The following SUGCT variants were observed in gnomAD, a reference collection of about 807,000 sequenced individuals.
SUGCT encodes succinyl-CoA:glutarate-CoA transferase, also known as succinyl-CoA:glutarate CoA-transferase.
Under a neutral mutation model 55.0 loss-of-function variants are expected in SUGCT, and 41 were observed. The ratio of observed to expected loss-of-function variants is 0.74; its 90% confidence interval spans 0.58 to 0.97. The LOEUF (loss-of-function observed/expected upper bound fraction) is 0.97, where lower values mean the gene tolerates loss of function less well. Ranked by LOEUF, SUGCT falls within the 50% of genes least tolerant of loss-of-function variation. The pLI is 0.00. For missense variants in SUGCT, 568 were observed against 547.8 expected (o/e 1.04, Z -0.37); for synonymous variants, 187 against 200.4 (o/e 0.93, Z 0.56).
At chr7:40,511,174 C>T (rs551088732) in intron 12 of SUGCT, among the ~76,000 whole-genome samples, 3 of 152,130 alleles carry the variant, frequency 2.0e-5, no homozygotes, top group African/African-American at 7.2e-5. Context: ...TTAACCAAGT[C>T]ATCATACATC....
At chr7:40,507,217 T>G (rs766230365) in intron 12 of SUGCT, among the ~76,000 whole-genome samples, 1 of 152,186 alleles carries the variant, frequency 6.6e-6, no homozygotes, top group Non-Finnish European at 1.5e-5. Context: ...TCAAATGACG[T>G]TAACTTTGCC....
At chr7:40,262,563 G>T (rs1234324906) in intron 7 of SUGCT, among the ~76,000 whole-genome samples, 1 of 151,830 alleles carries the variant, frequency 6.6e-6, no homozygotes, top group Non-Finnish European at 1.5e-5. Context: ...TACTCGGGAG[G>T]CTGAGGCAGA....
At chr7:40,184,657 T>C (rs1271134315) in intron 3 of SUGCT, among the ~76,000 whole-genome samples, 1 of 152,078 alleles carries the variant, frequency 6.6e-6, no homozygotes, top group Non-Finnish European at 1.5e-5. Context: ...GTTTTAGAAG[T>C]TTTCAAAAAT....
the SUGCT span, among the ~76,000 whole-genome samples, chr7:41,035,052 G>A: frequency 2.6e-5 from 4 of 152,150 alleles, no homozygotes; most frequent in African/African-American, 7.2e-5. Context: ...TGTCCCCAGC[G>A]GTGTTCTTCT....
At chr7:40,613,653 C>G (rs900803227) in intron 12 of SUGCT, among the ~76,000 whole-genome samples, 1 of 152,004 alleles carries the variant, frequency 6.6e-6, no homozygotes, top group Admixed American at 6.5e-5. Flanking sequence ...TTCTGTCACC[C>G]AGGCTAGAGT....
In SUGCT at chr7:40,445,978, G is replaced by A. The variant is rs543100887; in HGVS notation, c.817-3309G>A. On this transcript the variant is annotated intron_variant, in intron 9 of 13. Coordinates refer to ENST00000335693, the MANE Select transcript of SUGCT (RefSeq NM_001193313.2). ...TTTGCATAAAATTATTATGTTTACT[G>A]GTTTGTTTTAAAGGATATTAACAAG... 1.7e-3 allele frequency among the ~76,000 whole-genome samples: 260 copies of A among 151,992 alleles called. 1 individual carries two copies. The highest frequency in any genetic ancestry group is 2.7e-3 in the Non-Finnish European group (181 of 67,916).
intron 12 of SUGCT, among the ~76,000 whole-genome samples, chr7:40,613,906 C>T (rs1315784829): frequency 1.3e-5 from 2 of 152,160 alleles, no homozygotes; most frequent in African/African-American, 4.8e-5. Flanking sequence ...CACGCCTGGC[C>T]TGCACCCAGT....
intron 9 of SUGCT, among the ~76,000 whole-genome samples, chr7:40,367,458 A>T (rs1378301504): frequency 6.6e-6 from 1 of 151,732 alleles, no homozygotes; most frequent in Non-Finnish European, 1.5e-5. Context: ...CAGAAAAAAA[A>T]AATAAAATAA....
intron 12 of SUGCT, among the ~76,000 whole-genome samples, chr7:40,576,241 T>C (rs1265086220): frequency 1.3e-5 from 2 of 152,232 alleles, no homozygotes; most frequent in African/African-American, 4.8e-5. Context: ...TATCTGTTGA[T>C]AGAACAGCAG....
chr7:40,708,479 G>A (rs554651814), intron 12 of SUGCT, among the ~76,000 whole-genome samples: 1 of 152,108 alleles, frequency 6.6e-6, no homozygotes, highest in Non-Finnish European at 1.5e-5. Flanking sequence ...TTTTATCTGT[G>A]GTCCCTGCTT....
At chr7:40,727,032 G>A (rs1020194525) in intron 12 of SUGCT, among the ~76,000 whole-genome samples, 3 of 152,194 alleles carry the variant, frequency 2.0e-5, no homozygotes, top group Admixed American at 6.5e-5. Context: ...AGGCCCCCAT[G>A]GGCTGTCAAA....
the SUGCT span, among the ~76,000 whole-genome samples, chr7:41,037,700 G>A: frequency 9.9e-5 from 15 of 151,014 alleles, no homozygotes; most frequent in East Asian, 7.8e-4. Context: ...CATGCAGACC[G>A]TGGAAATGCC....
intron 13 of SUGCT, among the ~76,000 whole-genome samples, chr7:40,786,556 A>G (rs1369512452): frequency 6.6e-6 from 1 of 152,230 alleles, no homozygotes; most frequent in Non-Finnish European, 1.5e-5. Context: ...TATTCTTGCT[A>G]ATTATATTGT....
chr7:40,446,162 A>G (rs1412849747), intron 9 of SUGCT, among the ~76,000 whole-genome samples: 1 of 152,148 alleles, frequency 6.6e-6, no homozygotes, highest in Non-Finnish European at 1.5e-5. Flanking sequence ...ATATATTTAA[A>G]TATATGTTGG....
chr7:40,750,436 G>A (rs956186477), intron 13 of SUGCT, among the ~76,000 whole-genome samples: 15 of 152,006 alleles, frequency 9.9e-5, no homozygotes, highest in African/African-American at 2.7e-4. Context: ...TCCTAAAACC[G>A]TTTCCTGGCC....
chr7:40,752,417 G>A (rs866520030), intron 13 of SUGCT, among the ~76,000 whole-genome samples: 17 of 152,230 alleles, frequency 1.1e-4, no homozygotes, highest in South Asian at 8.3e-4. Flanking sequence ...GTGCAGTGAC[G>A]CAATCTCAGC....
chr7:40,888,097 CCA>C, the SUGCT span, among the ~76,000 whole-genome samples: 1 of 152,168 alleles, frequency 6.6e-6, no homozygotes, highest in African/African-American at 2.4e-5. Context: ...CCATAGGCAT[CCA>C]TGCCCTCATT....
intron 9 of SUGCT, among the ~76,000 whole-genome samples, chr7:40,373,542 C>T (rs1031646935): frequency 6.6e-6 from 1 of 151,710 alleles, no homozygotes; most frequent in Non-Finnish European, 1.5e-5. Flanking sequence ...GTATATACTC[C>T]TGAAGAAGGA....
intron 6 of SUGCT, among the ~76,000 whole-genome samples, chr7:40,206,239 A>G (rs1786966601): frequency 1.3e-5 from 2 of 152,224 alleles, no homozygotes; most frequent in South Asian, 4.1e-4. Context: ...GCAATGTTAG[A>G]TAAGAAAAAA....
Sources: gnomAD v4.1 joint callset for allele counts (sites outside exome capture counted in the v4.1 genomes callset) on GRCh38, gnomAD v4.1.1 for gene constraint, MANE v1.5 for transcripts, NCBI Gene and HGNC (gene_info 2026-07-23, HGNC 2026-07-21) for gene names.